SQOR: variants seen among roughly 807,000 people sequenced by gnomAD.
SQOR encodes sulfide:quinone oxidoreductase, mitochondrial.
Under a neutral mutation model 48.6 loss-of-function variants are expected in SQOR, and 39 were observed. The ratio of observed to expected loss-of-function variants is 0.80; its 90% CI spans 0.62 to 1.05. The LOEUF (loss-of-function observed/expected upper bound fraction) is 1.05, where lower values mean the gene tolerates loss of function less well. Ranked by LOEUF, SQOR falls within the 50% of genes least tolerant of loss-of-function variation. SQOR has a pLI of 0.00. For synonymous variants in SQOR, 220 were observed against 206.2 expected (o/e 1.07, Z -0.57); for missense variants, 561 against 559.9 (o/e 1.00, Z -0.02).
In SQOR at chr15:45,673,487, G is replaced by A. The variant is rs185139165; in HGVS notation, c.460-120G>A. On this transcript the variant is annotated intron_variant, in intron 4 of 9. Transcript: ENST00000260324. ...ACCCACCTGCCTGCTCTAGGCATGTGGGTATTGGAGGGTAATGATAGTACT... is the reference window on the plus strand; with the variant it reads ...ACCCACCTGCCTGCTCTAGGCATGTAGGTATTGGAGGGTAATGATAGTACT... The A allele has an allele frequency of 3.5e-4, 380 of 1,089,992 alleles. 3 individuals carry two copies. In the East Asian group the frequency reaches 6.1e-3, roughly 18 times the overall value. The allele number at this position is 1,089,992 out of a possible 1,614,324, so 67.5% of individuals were successfully genotyped here.
chr15:45,656,569 G>A (rs911935922), intron 1 of SQOR, among the ~76,000 whole-genome samples: 3 of 152,156 alleles, frequency 2.0e-5, no homozygotes, highest in Non-Finnish European at 4.4e-5. Flanking sequence ...TGGGATTACA[G>A]GTGTGAGCCA....
At chr15:45,671,993 G>T (rs972069703) in intron 4 of SQOR, among the ~76,000 whole-genome samples, 1 of 152,036 alleles carries the variant, frequency 6.6e-6, no homozygotes, top group East Asian at 1.9e-4. Context: ...CTAGATGAGG[G>T]GTCAAAACCA....
intron 2 of SQOR, among the ~76,000 whole-genome samples, chr15:45,660,317 A>G (rs1428891813): frequency 2.0e-5 from 3 of 152,168 alleles, no homozygotes; most frequent in Non-Finnish European, 4.4e-5. Context: ...TTTGAGAGGA[A>G]ACTAGGGGGC....
chr15:45,672,831 C>G (rs1253470237), intron 4 of SQOR, among the ~76,000 whole-genome samples: 1 of 152,238 alleles, frequency 6.6e-6, no homozygotes, highest in Non-Finnish European at 1.5e-5. Flanking sequence ...GCCTACAACC[C>G]TGTGAAGCAG....
intron 1 of SQOR, among the ~76,000 whole-genome samples, chr15:45,650,652 C>CAGAGAGCTGATTGGTCTGTTTTTAT (rs1889466916): frequency 6.6e-6 from 1 of 152,192 alleles, no homozygotes; most frequent in Non-Finnish European, 1.5e-5. Flanking sequence ...GTCCATTTTA[C>CAGAGAGCTGATTGGTCTGTTTTTAT]AGAGAGCTGA....
rs1451960644 is a variant in SQOR, at chr15:45,662,073, T to G, written c.353T>G (p.Val118Gly). Reference sequence around the variant, plus strand: ...GGTGTAGAATGGATCAAAGCTAGAGTGACTGAGTTGAACCCAGACAAGAAC... The same window carrying G: ...GGTGTAGAATGGATCAAAGCTAGAGGGACTGAGTTGAACCCAGACAAGAAC... ...PSGVEWIKAR[V>G]TELNPDKNCI... The change falls in exon 3 of 10, where the codon GTG becomes GGG. Residue 118 changes from valine to glycine, a missense_variant. Transcript: ENST00000260324. The G allele has an allele frequency of 1.2e-6, 2 of 1,613,986 alleles. No individual in the cohort carries two copies. The highest frequency in any genetic ancestry group is 2.2e-5 in the South Asian group (2 of 91,052).
intron 1 of SQOR, among the ~76,000 whole-genome samples, chr15:45,643,894 G>A (rs1274440404): frequency 6.6e-6 from 1 of 152,112 alleles, no homozygotes; most frequent in Non-Finnish European, 1.5e-5. Context: ...ATGGAGGATA[G>A]TATATGACAA....
intron 1 of SQOR, among the ~76,000 whole-genome samples, chr15:45,650,492 C>G (rs1042397326): frequency 4.6e-5 from 7 of 152,260 alleles, no homozygotes; most frequent in African/African-American, 1.4e-4. Context: ...CCAGTGTGGA[C>G]TCAAAGAGCG....
Position 45,659,012 on chromosome 15 carries a change from T to G in SQOR, c.89T>G (p.Leu30Arg). ...LRLGTQQVGP[L>R]QLHTGASHAA... The stretch of plus-strand genomic sequence containing the variant: ...CTGGGCACTCAGCAGGTCGGCCCCC[T>G]TCAGCTGCACACCGGGGCCAGCCAT... Residue 30 changes from leucine to arginine, a missense_variant, in exon 2 of 10, where the codon CTT becomes CGT. Physicochemically the swap from Leu to Arg is moderately radical, Grantham distance 102. Coordinates refer to ENST00000260324, the MANE Select transcript of SQOR (RefSeq NM_021199.4). 1 of 1,603,218 alleles carries G rather than the reference T, an allele frequency of 6.2e-7. No homozygotes were observed. The highest frequency in any genetic ancestry group is 8.5e-7 in the Non-Finnish European group (1 of 1,175,296).
At chr15:45,673,858 T>C in intron 5 of SQOR, 57 bp downstream of exon 5, 2 of 1,534,822 alleles carry the variant, frequency 1.3e-6, no homozygotes, top group Non-Finnish European at 1.8e-6. Flanking sequence ...AATTCACTGA[T>C]TGCAAGAATT....
At chr15:45,661,439 A>G (rs1250461335) in intron 2 of SQOR, among the ~76,000 whole-genome samples, 1 of 152,100 alleles carries the variant, frequency 6.6e-6, no homozygotes, top group Non-Finnish European at 1.5e-5. Context: ...AAAGTAGAAG[A>G]AGGGCTGTTC....
intron 1 of SQOR, among the ~76,000 whole-genome samples, chr15:45,643,488 C>A (rs1895142185): frequency 6.6e-6 from 1 of 152,196 alleles, no homozygotes. Flanking sequence ...AGCCACCATG[C>A]CTGGCCTGGA....
Position 45,673,920 on chromosome 15 carries a change from G to A in SQOR, c.654+119G>A, listed in dbSNP as rs902487088. The A allele has an allele frequency of 1.5e-5, 15 of 968,140 alleles. No individual in the cohort carries two copies. The African/African-American group carries it at 2.3e-4, about 15-fold the overall frequency. 60.0% of individuals were successfully genotyped at this position (968,140 alleles called of 1,614,324 possible). ...TTTTATCTCGGAATTTTTATTACAT[G>A]TGTACAAAATTAGTTAACTGGAAGT... On this transcript the variant is annotated intron_variant, in intron 5 of 9. Coordinates refer to ENST00000260324, the MANE Select transcript of SQOR (RefSeq NM_021199.4).
intron 1 of SQOR, among the ~76,000 whole-genome samples, chr15:45,636,735 A>G (rs964210375): frequency 9.2e-5 from 14 of 152,216 alleles, no homozygotes; most frequent in African/African-American, 3.4e-4. Context: ...ACAAAGTCTT[A>G]GTATTGCCAA....
chr15:45,635,960 C>G (rs930512363), intron 1 of SQOR, among the ~76,000 whole-genome samples: 3 of 151,968 alleles, frequency 2.0e-5, no homozygotes, highest in Non-Finnish European at 4.4e-5. Context: ...CTCAGCCTGC[C>G]GAGTAACTGG....
chr15:45,631,209 G>A (rs1282693549), upstream of SQOR: 3 of 171,762 alleles, frequency 1.7e-5, no homozygotes, highest in East Asian at 3.4e-4. Flanking sequence ...TGATTCTGAG[G>A]CCTCCCCAGC....
chr15:45,658,594 A>G (rs1457334785), intron 1 of SQOR, among the ~76,000 whole-genome samples: 1 of 152,200 alleles, frequency 6.6e-6, no homozygotes, highest in Non-Finnish European at 1.5e-5. Flanking sequence ...GATCTTACGG[A>G]TGGACAAGGA....
chr15:45,678,418 C>T (rs1240819817), intron 6 of SQOR, among the ~76,000 whole-genome samples: 1 of 152,186 alleles, frequency 6.6e-6, no homozygotes, highest in Non-Finnish European at 1.5e-5. Context: ...GGTATGAACT[C>T]ATGAGTTCCT....
At chr15:45,637,781 T>C (rs1203483158) in intron 1 of SQOR, among the ~76,000 whole-genome samples, 1 of 152,216 alleles carries the variant, frequency 6.6e-6, no homozygotes, top group Non-Finnish European at 1.5e-5. Context: ...GTTAATCCGA[T>C]GTGTTGTAAC....
Sources: allele counts gnomAD v4.1 joint callset (sites outside exome capture counted in the v4.1 genomes callset), GRCh38; gene constraint gnomAD v4.1.1; transcripts MANE v1.5; gene names NCBI Gene and HGNC (gene_info 2026-07-23, HGNC 2026-07-21).